The following PARVA variants were observed in gnomAD, a reference collection of about 807,000 sequenced individuals.
The protein encoded by PARVA is parvin alpha.
A neutral mutation model predicts 52.6 loss-of-function variants in PARVA; 25 were observed. That is an observed-to-expected ratio of 0.48 (90% CI 0.35 to 0.66). PARVA has a LOEUF of 0.66. Ranked by LOEUF, PARVA falls within the 30% of genes least tolerant of loss-of-function variation. The pLI, the probability that PARVA is intolerant of heterozygous loss-of-function variation, is 0.01. For missense variants in PARVA, 373 were observed against 450.9 expected, an observed-to-expected ratio of 0.83 and a Z score of 1.56; for synonymous variants, 185 against 179.1, an observed-to-expected ratio of 1.03 and a Z score of -0.26.
At chr11:12,419,190 C>T (rs563794276) in intron 1 of PARVA, among the ~76,000 whole-genome samples, 1 of 152,094 alleles carries the variant, frequency 6.6e-6, no homozygotes, top group Non-Finnish European at 1.5e-5. Flanking sequence ...GTATAAAGTG[C>T]ATTCACACTG....
At chr11:12,386,934 A>G (rs1939580030) in intron 1 of PARVA, among the ~76,000 whole-genome samples, 1 of 152,218 alleles carries the variant, frequency 6.6e-6, no homozygotes, top group African/African-American at 2.4e-5. Flanking sequence ...GGATACCAGG[A>G]TAAGTGGGCC....
chr11:12,513,195 GTTGACCTT>G (rs760877123), intron 8 of PARVA, 96 bp from the exon 9 acceptor site: 1 of 897,796 alleles, frequency 1.1e-6, no homozygotes, highest in South Asian at 1.3e-5. Context: ...CCCATCGGTA[GTTGACCTT>G]GTGACCTTGA....
intron 6 of PARVA, among the ~76,000 whole-genome samples, chr11:12,507,541 G>C (rs1346222): frequency 1.3e-5 from 2 of 152,080 alleles, no homozygotes. Flanking sequence ...ACATTTGTGC[G>C]TCCTGCCTCT....
intron 4 of PARVA, among the ~76,000 whole-genome samples, chr11:12,490,526 AAAAG>A (rs1391572674): frequency 7.4e-6 from 1 of 135,710 alleles, no homozygotes; most frequent in South Asian, 2.5e-4. Context: ...CAAAAAAAAA[AAAAG>A]AGAGAGAGAG....
intron 6 of PARVA, among the ~76,000 whole-genome samples, chr11:12,506,950 G>A (rs1941437903): frequency 6.6e-6 from 1 of 152,174 alleles, no homozygotes; most frequent in East Asian, 1.9e-4. Context: ...GGCCATGCAG[G>A]ACAAGGACAC....
chr11:12,475,086 G>A (rs538856118), intron 3 of PARVA, among the ~76,000 whole-genome samples: 3 of 152,164 alleles, frequency 2.0e-5, no homozygotes, highest in African/African-American at 4.8e-5. Context: ...CTAAGAGGTG[G>A]TGTTTAGACT....
intron 1 of PARVA, among the ~76,000 whole-genome samples, chr11:12,401,368 A>T (rs1426238902): frequency 6.6e-6 from 1 of 152,238 alleles, no homozygotes; most frequent in Non-Finnish European, 1.5e-5. Flanking sequence ...GCTAAGGCTT[A>T]ACACACTATT....
At chr11:12,424,924 T>C (rs1564843727) in intron 1 of PARVA, among the ~76,000 whole-genome samples, 1 of 152,252 alleles carries the variant, frequency 6.6e-6, no homozygotes, top group Non-Finnish European at 1.5e-5. Context: ...TTGTTTGTTT[T>C]TGAAACATTT....
At position 12,423,351 on chromosome 11, in the gene PARVA, G is replaced by GT. The variant is rs869105706; in HGVS notation, c.136+45587dup. ...GCGCCACCATGCGTGGCTAATTTTTGTTTTTTTTTTTTTTTTTTTGGTAGA... is the reference window on the plus strand; with the variant it reads ...GCGCCACCATGCGTGGCTAATTTTTGTTTTTTTTTTTTTTTTTTTTGGTAGA... On this transcript the variant is annotated intron_variant, in intron 1 of 12. Coordinates refer to ENST00000334956, the MANE Select transcript of PARVA (RefSeq NM_018222.5). Among the ~76,000 whole-genome samples, 653 of 104,722 alleles carry GT rather than the reference G, an allele frequency of 6.2e-3. 4 individuals carry two copies. The highest frequency in any genetic ancestry group is 0.017 in the African/African-American group (475 of 27,242). The allele number at this position is 104,722 out of a possible 152,430, so 68.7% of individuals were successfully genotyped here. A position where few individuals can be genotyped will look rare whatever the true frequency, so the allele number is the denominator to read the frequency against.
intron 4 of PARVA, among the ~76,000 whole-genome samples, chr11:12,491,368 A>G (rs1486745158): frequency 6.6e-6 from 1 of 152,078 alleles, no homozygotes; most frequent in African/African-American, 2.4e-5. Context: ...GGGTCTCGCT[A>G]TGTTGCCCAG....
intron 10 of PARVA, among the ~76,000 whole-genome samples, chr11:12,517,193 C>G (rs1468291364): frequency 6.6e-6 from 1 of 152,088 alleles, no homozygotes. Context: ...GGCGACCTTT[C>G]TCAACCTCAC....
chr11:12,476,246 G>A (rs1031015511), intron 3 of PARVA, among the ~76,000 whole-genome samples: 19 of 152,112 alleles, frequency 1.2e-4, no homozygotes, highest in African/African-American at 4.1e-4. Flanking sequence ...AGCTACCTCC[G>A]TACTTCCAGA....
intron 5 of PARVA, among the ~76,000 whole-genome samples, chr11:12,499,175 A>T (rs1259354126): frequency 6.6e-6 from 1 of 152,162 alleles, no homozygotes; most frequent in Non-Finnish European, 1.5e-5. Flanking sequence ...AGAGGGAATA[A>T]TTATCTCATC....
At chr11:12,484,313 C>G (rs1308670450) in intron 4 of PARVA, among the ~76,000 whole-genome samples, 1 of 152,092 alleles carries the variant, frequency 6.6e-6, no homozygotes, top group Admixed American at 6.6e-5. Flanking sequence ...TTGACTGATC[C>G]TTATGTTTGA....
At position 12,508,232 on chromosome 11, in the gene PARVA, G is replaced by A. The variant is rs542447393; in HGVS notation, c.658-352G>A. 1.5e-3 allele frequency among the ~76,000 whole-genome samples: 223 copies of A among 151,980 alleles called. 1 individual carries two copies. The highest frequency in any genetic ancestry group is 5.7e-4 in the Non-Finnish European group (39 of 67,992). ...TCAGCTTCCCTCTGTGGCCCCAGCT[G>A]GAGGGCAGACACACCCTGGCCTTCA... On this transcript the variant is annotated intron_variant, in intron 6 of 12. Coordinates refer to ENST00000334956, the MANE Select transcript of PARVA (RefSeq NM_018222.5).
chr11:12,386,892 A>G (rs551314206), intron 1 of PARVA, among the ~76,000 whole-genome samples: 1 of 152,294 alleles, frequency 6.6e-6, no homozygotes. Context: ...TCCTCTACTA[A>G]TGAAGGCACC....
chr11:12,420,288 G>T (rs1940129585), intron 1 of PARVA, among the ~76,000 whole-genome samples: 1 of 152,058 alleles, frequency 6.6e-6, no homozygotes. Context: ...GTAGGTTTGT[G>T]GTTTTTTGAA....
At chr11:12,520,693 T>C (rs1216345802) in intron 12 of PARVA, among the ~76,000 whole-genome samples, 2 of 152,152 alleles carry the variant, frequency 1.3e-5, no homozygotes, top group African/African-American at 2.4e-5. Context: ...CTCACACCTG[T>C]AATCCCAACA....
chr11:12,443,169 C>CTTCTTTTTTTTTTTT (rs1326822141), intron 1 of PARVA, among the ~76,000 whole-genome samples: 1 of 78,328 alleles, frequency 1.3e-5, no homozygotes, highest in African/African-American at 5.0e-5. Flanking sequence ...CGCCCCCCTT[C>CTTCTTTTTTTTTTTT]TTTTTTTTTT....
Sources: allele counts gnomAD v4.1 joint callset (sites outside exome capture counted in the v4.1 genomes callset), GRCh38; gene constraint gnomAD v4.1.1; transcripts MANE v1.5; gene names NCBI Gene and HGNC (gene_info 2026-07-23, HGNC 2026-07-21).